The following MRPS31 variants were observed in gnomAD, a reference collection of about 807,000 sequenced individuals.
MRPS31 encodes the protein small ribosomal subunit protein mS31.
Under a neutral mutation model 43.1 loss-of-function variants are expected in MRPS31, and 32 were observed. That is an observed-to-expected ratio of 0.74 (90% CI 0.56 to 1.00). The LOEUF is 1.00. Among genes scored for constraint, MRPS31 ranks in the 50% least tolerant of loss-of-function variants. MRPS31 has a pLI of 0.00. For synonymous variants in MRPS31, 165 were observed against 161.6 expected (o/e 1.02, Z -0.16); for missense variants, 437 against 466.7 (o/e 0.94, Z 0.59).
chr13:40,748,639 A>G (rs1880305662), intron 6 of MRPS31, among the ~76,000 whole-genome samples: 1 of 152,228 alleles, frequency 6.6e-6, no homozygotes, highest in Non-Finnish European at 1.5e-5. Context: ...CAAAGCACCT[A>G]TATTATGCAG....
chr13:40,750,300 T>C (rs1399360318), intron 5 of MRPS31, among the ~76,000 whole-genome samples: 2 of 152,166 alleles, frequency 1.3e-5, no homozygotes, highest in Non-Finnish European at 2.9e-5. Context: ...ATTTCAGTTA[T>C]GTACAGTTCT....
At chr13:40,747,926 G>C (rs1266871192) in intron 6 of MRPS31, among the ~76,000 whole-genome samples, 1 of 152,050 alleles carries the variant, frequency 6.6e-6, no homozygotes, top group Non-Finnish European at 1.5e-5. Flanking sequence ...CCTATAAAAA[G>C]TAACACTTTA....
At chr13:40,738,404 T>C (rs1488756371) in intron 6 of MRPS31, among the ~76,000 whole-genome samples, 6 of 152,016 alleles carry the variant, frequency 3.9e-5, no homozygotes, top group Admixed American at 1.3e-4. Flanking sequence ...TTCCAATCAA[T>C]AGAAAAAGAG....
At chr13:40,751,385 C>T (rs1880386649) in intron 5 of MRPS31, among the ~76,000 whole-genome samples, 1 of 152,162 alleles carries the variant, frequency 6.6e-6, no homozygotes, top group African/African-American at 2.4e-5. Context: ...CTCATATTAC[C>T]TCACTTAATC....
intron 1 of MRPS31, among the ~76,000 whole-genome samples, chr13:40,767,533 A>G (rs1237015983): frequency 6.6e-6 from 1 of 152,260 alleles, no homozygotes; most frequent in African/African-American, 2.4e-5. Context: ...ACTGAAAATC[A>G]GAGAAGTCCC....
chr13:40,747,324 T>C (rs1190096757), intron 6 of MRPS31, among the ~76,000 whole-genome samples: 1 of 152,178 alleles, frequency 6.6e-6, no homozygotes, highest in Non-Finnish European at 1.5e-5. Context: ...AATCCAAACA[T>C]GTTTTCAGAG....
chr13:40,769,176 G>T (rs112355444), intron 1 of MRPS31, among the ~76,000 whole-genome samples: 1 of 151,546 alleles, frequency 6.6e-6, no homozygotes. Context: ...AGGAGTTCAA[G>T]ACCAGCCTGG....
Position 40,756,962 on chromosome 13 carries a change from T to A in MRPS31, c.651A>T (p.Arg217Ser). 1 of 1,613,492 alleles carries A rather than the reference T, an allele frequency of 6.2e-7. No homozygotes were observed. Among genetic ancestry groups the A allele is most frequent in the East Asian group, 2.2e-5 (1 of 44,842 alleles). The change falls in exon 4 of 7, where the codon AGA (arginine) becomes AGT (serine). Residue 217 changes from arginine to serine, a missense_variant. Transcript: ENST00000323563. ...DMKVARSATA[R>S]VRSRPELRIQ... ...TCCGAAGCTCTGGTCTTGAACGAAC[T>A]CTAGCTGTAGCAGATCTGGCAACTT...
chr13:40,760,545 G>C (rs1880666933), intron 2 of MRPS31, among the ~76,000 whole-genome samples: 1 of 151,508 alleles, frequency 6.6e-6, no homozygotes, highest in Admixed American at 6.6e-5. Flanking sequence ...ATAAGAAAAA[G>C]CTTTTAAAAG....
chr13:40,729,383 G>A lies in MRPS31; in HGVS notation c.1177C>T (p.Gln393Ter). 1.4e-6 allele frequency: 2 copies of A among 1,472,690 alleles called. No individual in the cohort carries two copies. Among genetic ancestry groups the A allele is most frequent in the South Asian group, 1.2e-5 (1 of 83,798 alleles). The allele number at this position is 1,472,690 out of a possible 1,614,324, so 91.2% of individuals were successfully genotyped here. Residue 393 changes from glutamine (Q) to a stop codon, truncating the protein, a stop_gained, in exon 7 of 7, where the codon CAG (glutamine) becomes TAG (stop). Transcript: ENST00000323563. LOFTEE classifies it high-confidence loss of function. The stretch of plus-strand genomic sequence containing the variant: ...AAATTTCCATGGTCTTAATTGAACT[G>A]TATGTTACTTTCTTTTAGAATATCC... The part of the protein sequence containing the change: ...KKDILKESNI[Q>*]FN
At chr13:40,732,212 G>A (rs771014984) in intron 6 of MRPS31, among the ~76,000 whole-genome samples, 7 of 152,200 alleles carry the variant, frequency 4.6e-5, no homozygotes, top group Non-Finnish European at 8.8e-5. Flanking sequence ...CTTAAATGAA[G>A]ACGTTCCTTC....
intron 3 of MRPS31, among the ~76,000 whole-genome samples, chr13:40,757,267 A>C (rs1446660838): frequency 6.6e-6 from 1 of 152,214 alleles, no homozygotes; most frequent in Non-Finnish European, 1.5e-5. Context: ...GTCTCATGAA[A>C]AATTATTCAG....
At chr13:40,770,881 C>A in intron 1 of MRPS31, 104 bp downstream of exon 1, 1 of 1,430,590 alleles carries the variant, frequency 7.0e-7, no homozygotes, top group Non-Finnish European at 9.7e-7. Flanking sequence ...TTTCTCTTTC[C>A]TCAGATTTAA....
intron 1 of MRPS31, among the ~76,000 whole-genome samples, chr13:40,769,414 ATATATATTATC>A: frequency 6.3e-5 from 7 of 111,058 alleles, no homozygotes; most frequent in Admixed American, 1.0e-4. Flanking sequence ...ATATATATAT[ATATATATTATC>A]AAGTTCTCAA....
intron 3 of MRPS31, 106 bp from the exon 4 acceptor site, chr13:40,757,119 A>G (rs1310076408): frequency 1.2e-6 from 1 of 830,844 alleles, no homozygotes; most frequent in East Asian, 2.7e-5. Flanking sequence ...TTTCATTTTT[A>G]TGCACTAATT....
At chr13:40,740,121 C>T (rs1376436306) in intron 6 of MRPS31, among the ~76,000 whole-genome samples, 121 of 149,700 alleles carry the variant, frequency 8.1e-4, no homozygotes, top group Admixed American at 2.7e-3. Context: ...AAAAAGTGGG[C>T]GAAGGACATG....
chr13:40,760,466 G>C (rs1880664207), intron 2 of MRPS31, among the ~76,000 whole-genome samples: 2 of 152,100 alleles, frequency 1.3e-5, no homozygotes, highest in South Asian at 2.1e-4. Context: ...GTTGATCACT[G>C]TTGAAGCTGG....
intron 1 of MRPS31, among the ~76,000 whole-genome samples, chr13:40,769,421 T>TATATAG (rs10684050): frequency 1.0e-4 from 12 of 120,154 alleles, no homozygotes; most frequent in East Asian, 4.7e-4. Context: ...TATATATATA[T>TATATAG]TATCAAGTTC....
chr13:40,747,127 G>A (rs1008400189), intron 6 of MRPS31, among the ~76,000 whole-genome samples: 5 of 151,402 alleles, frequency 3.3e-5, no homozygotes, highest in African/African-American at 1.2e-4. Flanking sequence ...CACCCAGGCT[G>A]GAGTGCTGTG....
Sources: gnomAD v4.1 joint callset for allele counts (sites outside exome capture counted in the v4.1 genomes callset) on GRCh38, gnomAD v4.1.1 for gene constraint, MANE v1.5 for transcripts, NCBI Gene and HGNC (gene_info 2026-07-23, HGNC 2026-07-21) for gene names.